PCDHA10: variants seen among roughly 807,000 people sequenced by gnomAD.
PCDHA10 encodes the protein protocadherin alpha 10.
PCDHA10 carries 45 observed loss-of-function variants against 61.2 expected under a neutral mutation model. That is an observed-to-expected ratio of 0.74 (90% confidence interval 0.58 to 0.94). The LOEUF (loss-of-function observed/expected upper bound fraction) is 0.94, where lower values mean the gene tolerates loss of function less well. Among genes scored for constraint, PCDHA10 ranks in the 40% least tolerant of loss-of-function variants. The pLI is 0.00. For missense variants in PCDHA10, 1,278 were observed against 1,236.2 expected (o/e 1.03, Z -0.51); for synonymous variants, 602 against 548.8 (o/e 1.10, Z -1.35).
intron 1 of PCDHA10, among the ~76,000 whole-genome samples, chr5:140,936,658 G>A (rs1385566642): frequency 6.6e-6 from 1 of 152,174 alleles, no homozygotes; most frequent in Non-Finnish European, 1.5e-5. Context: ...TATATATTCT[G>A]TTTCTGGACT....
At chr5:140,992,430 C>T (rs1356224402) in intron 3 of PCDHA10, among the ~76,000 whole-genome samples, 1 of 152,042 alleles carries the variant, frequency 6.6e-6, no homozygotes, top group Non-Finnish European at 1.5e-5. Flanking sequence ...GAATATTGTT[C>T]CAAGAGTTGG....
At chr5:140,935,144 A>G (rs1289868558) in intron 1 of PCDHA10, among the ~76,000 whole-genome samples, 1 of 152,184 alleles carries the variant, frequency 6.6e-6, no homozygotes, top group Admixed American at 6.5e-5. Context: ...TGATACTTAG[A>G]GATATAATCT....
rs782079089 is a variant in PCDHA10, at chr5:141,009,663, C to T, written c.2573C>T (p.Ala858Val). 4 of 1,614,034 alleles carry T rather than the reference C, an allele frequency of 2.5e-6. No individual in the cohort carries two copies. Among genetic ancestry groups the T allele is most frequent in the East Asian group, 2.2e-5 (1 of 44,876 alleles). ...GGAGAAGTGTCCCCTCCAGTCGGTG[C>T]GGGTGTCAACAGCAACAGCTGGACC... Reference protein sequence around the residue: ...EAGEVSPPVGAGVNSNSWTFK... With the variant: ...EAGEVSPPVGVGVNSNSWTFK... Residue 858 changes from alanine to valine, a missense_variant, in exon 4 of 4, where the codon GCG (alanine) becomes GTG (valine). Transcript: ENST00000307360.
chr5:140,911,941 T>C (rs1554195035), intron 1 of PCDHA10, among the ~76,000 whole-genome samples: 1 of 152,132 alleles, frequency 6.6e-6, no homozygotes, highest in Non-Finnish European at 1.5e-5. Flanking sequence ...TAGATGTATA[T>C]ATAAAGGGGA....
At chr5:140,929,122 G>A (rs782041922) in intron 1 of PCDHA10, 24 of 1,614,096 alleles carry the variant, frequency 1.5e-5, no homozygotes, top group Non-Finnish European at 1.8e-5. Flanking sequence ...CACCATAGAT[G>A]TCACTACAGT....
chr5:140,921,213 G>T (rs759293646), intron 1 of PCDHA10, among the ~76,000 whole-genome samples: 1 of 151,496 alleles, frequency 6.6e-6, no homozygotes, highest in Admixed American at 6.6e-5. Flanking sequence ...GATAATTCAC[G>T]TCTTTTTTGC....
At chr5:141,002,797 G>A (rs1025670333) in intron 3 of PCDHA10, among the ~76,000 whole-genome samples, 2 of 152,190 alleles carry the variant, frequency 1.3e-5, no homozygotes, top group African/African-American at 4.8e-5. Context: ...TATGGATGAG[G>A]AAACTGAGGC....
intron 3 of PCDHA10, among the ~76,000 whole-genome samples, chr5:140,988,382 T>C (rs2097295449): frequency 6.6e-6 from 1 of 152,148 alleles, no homozygotes; most frequent in African/African-American, 2.4e-5. Flanking sequence ...TGAAACTCAT[T>C]GTGTTTGCCA....
In PCDHA10 at chr5:140,863,325, AGT is replaced by A. The variant is rs1554158100; in HGVS notation, c.2388+4891_2388+4892del. 4 of 1,432,658 alleles carry A rather than the reference AGT, an allele frequency of 2.8e-6. No individual in the cohort carries two copies. In the African/African-American group the frequency reaches 5.7e-5, roughly 21 times the overall value. The allele number at this position is 1,432,658 out of a possible 1,614,324, so 88.7% of individuals were successfully genotyped here. On this transcript the variant is annotated intron_variant, in intron 1 of 3. Transcript: ENST00000307360. ...CCATCTGCGTGGTGTCCAGCCTGTT[AGT>A]GCTCACGTTGCTGCTGTACACGACG...
chr5:140,967,756 C>T (rs1554229911), intron 1 of PCDHA10: 2 of 1,614,216 alleles, frequency 1.2e-6, no homozygotes, highest in Middle Eastern at 1.6e-4. Context: ...AAGCCTCCTC[C>T]TACCAGATCT....
rs1489456152 is a variant in PCDHA10 at position 140,857,912 on chromosome 5, C to T, written c.1864C>T (p.Arg622Cys). Residue 622 changes from arginine (R) to cysteine (C), a missense_variant, in exon 1 of 4, where the codon CGC becomes TGC. By Grantham distance (180) the Arg-to-Cys change is radical. Transcript: ENST00000307360. ...GGCGGTTGGTGCACGCATCCCGTTT[C>T]GCGTGGGGCTGTACACGGGCGAGAT... is the stretch of plus-strand genomic sequence containing the variant. ...SAAVGARIPFRVGLYTGEIST... is the reference protein window; with the variant it reads ...SAAVGARIPFCVGLYTGEIST... 3.1e-6 allele frequency: 5 copies of T among 1,597,650 alleles called. 1 individual carries two copies. In the Admixed American group the frequency reaches 6.7e-5, roughly 22 times the overall value.
chr5:141,010,073 T>C lies in PCDHA10; in HGVS notation c.*136T>C. On this transcript the variant is annotated 3_prime_UTR_variant, in exon 4 of 4. Coordinates refer to ENST00000307360, the MANE Select transcript of PCDHA10 (RefSeq NM_018901.4). ...CCTCAGAAATCTGCAGAAAGTTCCC[T>C]GTGTCTGTCTAGAACGCATTTAACA... 6.2e-7 allele frequency: 1 copy of C among 1,606,602 alleles called. No individual in the cohort carries two copies. The highest frequency in any genetic ancestry group is 1.7e-5 in the Admixed American group (1 of 59,096).
intron 1 of PCDHA10, chr5:140,882,682 A>G (rs782727780): frequency 9.3e-6 from 15 of 1,614,080 alleles, no homozygotes; most frequent in Admixed American, 3.3e-5. Context: ...AAAGCAAGAA[A>G]CGAATAATCA....
chr5:140,929,064 T>A (rs550251743), intron 1 of PCDHA10: 1 of 1,614,162 alleles, frequency 6.2e-7, no homozygotes, highest in South Asian at 1.1e-5. Context: ...CTACAGAGGA[T>A]CTGAGGTATG....
chr5:140,978,233 AT>A (rs1360475808), intron 1 of PCDHA10, among the ~76,000 whole-genome samples: 2 of 152,196 alleles, frequency 1.3e-5, no homozygotes, highest in African/African-American at 4.8e-5. Context: ...TTTTTCTTGG[AT>A]TTCAGCTACT....
chr5:140,955,603 C>T (rs898504105), intron 1 of PCDHA10, among the ~76,000 whole-genome samples: 1 of 152,146 alleles, frequency 6.6e-6, no homozygotes, highest in Non-Finnish European at 1.5e-5. Flanking sequence ...TTATAAATTA[C>T]CCAGTCTCAG....
intron 1 of PCDHA10, chr5:140,870,277 G>C: frequency 6.2e-7 from 1 of 1,614,168 alleles, no homozygotes; most frequent in South Asian, 1.1e-5. Flanking sequence ...GACGCCCCAC[G>C]TTCCCTTCAA....
intron 1 of PCDHA10, chr5:140,869,208 C>T (rs782200592): frequency 2.5e-6 from 4 of 1,613,990 alleles, no homozygotes; most frequent in Middle Eastern, 1.7e-4. Context: ...ACTACTCCGT[C>T]TCGGAGGAGG....
chr5:140,902,572 G>A (rs1249141591), intron 1 of PCDHA10, among the ~76,000 whole-genome samples: 1 of 151,954 alleles, frequency 6.6e-6, no homozygotes, highest in Non-Finnish European at 1.5e-5. Flanking sequence ...GGGTTTTTAA[G>A]ATTTCAATAG....
Sources: allele counts gnomAD v4.1 joint callset (sites outside exome capture counted in the v4.1 genomes callset), GRCh38; gene constraint gnomAD v4.1.1; transcripts MANE v1.5; gene names NCBI Gene and HGNC (gene_info 2026-07-23, HGNC 2026-07-21).